DISC1: variants seen among roughly 807,000 people sequenced by gnomAD.
DISC1 encodes the protein disrupted in schizophrenia 1 protein.
A neutral mutation model predicts 84.5 loss-of-function variants in DISC1; 57 were observed. That is an observed-to-expected ratio of 0.67 (90% CI 0.55 to 0.84). DISC1 has a LOEUF of 0.84. Among genes scored for constraint, DISC1 ranks in the 40% least tolerant of loss-of-function variants. DISC1 has a pLI of 0.00. For missense variants in DISC1, 1,000 were observed against 1,057.8 expected, an observed-to-expected ratio of 0.95 and a Z score of 0.76; for synonymous variants, 411 against 415.2, an observed-to-expected ratio of 0.99 and a Z score of 0.12.
rs533463099 is a variant in DISC1, at chr1:231,863,220, C to CTTTTTT, written c.1981+44730_1981+44735dup. ...TGATTGACATAGTTTATAAAATGTT[C>CTTTTTT]TTTTTTTTTTTTTTTTTTTTTTTTT... On this transcript the variant is annotated intron_variant, in intron 9 of 12. Coordinates refer to ENST00000439617, the MANE Select transcript of DISC1 (RefSeq NM_018662.3). Among the ~76,000 whole-genome samples the CTTTTTT allele has an allele frequency of 7.9e-4, 43 of 54,774 alleles. 4 individuals carry two copies. Among genetic ancestry groups the CTTTTTT allele is most frequent in the South Asian group, 2.2e-3 (2 of 916 alleles). The allele number at this position is 54,774 out of a possible 152,430, so 35.9% of individuals were successfully genotyped here.
intron 3 of DISC1, among the ~76,000 whole-genome samples, chr1:231,733,491 G>A (rs1418006441): frequency 1.3e-5 from 2 of 150,360 alleles, no homozygotes; most frequent in Admixed American, 1.3e-4. Flanking sequence ...TAGTGGCTGT[G>A]GCAGTGCTGG....
chr1:231,677,276 C>G (rs1221508464), intron 1 of DISC1, among the ~76,000 whole-genome samples: 1 of 152,092 alleles, frequency 6.6e-6, no homozygotes, highest in Non-Finnish European at 1.5e-5. Flanking sequence ...CAAAACAAAA[C>G]AAAAACCCCA....
intron 6 of DISC1, among the ~76,000 whole-genome samples, chr1:231,774,461 T>C (rs2076803530): frequency 6.6e-6 from 1 of 152,200 alleles, no homozygotes; most frequent in Non-Finnish European, 1.5e-5. Context: ...TGGAGTTTTG[T>C]GTGGCTGGAG....
chr1:231,752,707 A>G (rs1393276145), intron 4 of DISC1, among the ~76,000 whole-genome samples: 4 of 152,202 alleles, frequency 2.6e-5, no homozygotes. Context: ...CATTAACTCA[A>G]AAGTCCAAAG....
intron 9 of DISC1, among the ~76,000 whole-genome samples, chr1:231,931,619 A>G (rs2090660409): frequency 6.6e-6 from 1 of 150,594 alleles, no homozygotes; most frequent in Non-Finnish European, 1.5e-5. Context: ...GACCTACCAT[A>G]TAGCTCAGTT....
intron 2 of DISC1, among the ~76,000 whole-genome samples, chr1:231,699,750 C>T (rs986652114): frequency 6.6e-6 from 1 of 152,214 alleles, no homozygotes; most frequent in African/African-American, 2.4e-5. Context: ...CCCAAACTCT[C>T]CAGTGGCGCC....
intron 10 of DISC1, among the ~76,000 whole-genome samples, chr1:231,997,697 T>A (rs1409271472): frequency 6.6e-6 from 1 of 152,052 alleles, no homozygotes; most frequent in Non-Finnish European, 1.5e-5. Context: ...AAGGGGTAGG[T>A]AATTACAATT....
At chr1:231,982,216 G>A (rs764048874) in intron 10 of DISC1, among the ~76,000 whole-genome samples, 10 of 152,098 alleles carry the variant, frequency 6.6e-5, no homozygotes, top group African/African-American at 1.2e-4. Flanking sequence ...GATTTTAAGC[G>A]TCGGTGATTG....
At chr1:231,863,411 A>G (rs2084825360) in intron 9 of DISC1, among the ~76,000 whole-genome samples, 1 of 151,472 alleles carries the variant, frequency 6.6e-6, no homozygotes, top group African/African-American at 2.4e-5. Context: ...TTGTACTTTT[A>G]GTAGAGAAGG....
At chr1:231,946,412 C>T (rs990777039) in intron 9 of DISC1, among the ~76,000 whole-genome samples, 5 of 152,092 alleles carry the variant, frequency 3.3e-5, no homozygotes, top group African/African-American at 1.2e-4. Flanking sequence ...AATTCAACAC[C>T]CCTTCATGCT....
At chr1:231,664,469 T>G (rs2061838740) in intron 1 of DISC1, among the ~76,000 whole-genome samples, 1 of 152,174 alleles carries the variant, frequency 6.6e-6, no homozygotes, top group African/African-American at 2.4e-5. Context: ...TGAGATTAAG[T>G]TAAGGATCTT....
chr1:231,672,443 A>G (rs1242015342), intron 1 of DISC1, among the ~76,000 whole-genome samples: 1 of 152,192 alleles, frequency 6.6e-6, no homozygotes, highest in East Asian at 1.9e-4. Flanking sequence ...AATTTGAGCT[A>G]TGTCATTCTG....
intron 9 of DISC1, among the ~76,000 whole-genome samples, chr1:231,942,573 G>C (rs1025465806): frequency 3.9e-5 from 6 of 152,210 alleles, no homozygotes; most frequent in African/African-American, 1.4e-4. Context: ...GCCCATGCAG[G>C]AGAATTGCTT....
At chr1:231,995,333 A>C (rs993278278) in intron 10 of DISC1, among the ~76,000 whole-genome samples, 2 of 151,312 alleles carry the variant, frequency 1.3e-5, no homozygotes, top group Admixed American at 6.6e-5. Context: ...TTCTTTTTTT[A>C]TTTATTTTAT....
intron 3 of DISC1, chr1:231,722,906 T>G (rs202066697): frequency 3.2e-5 from 41 of 1,295,948 alleles, no homozygotes; most frequent in South Asian, 3.6e-5. Context: ...GTTGGGACAA[T>G]TAGATTTTTG....
intron 9 of DISC1, among the ~76,000 whole-genome samples, chr1:231,955,486 C>CT (rs200610198): frequency 0.017 from 2,231 of 133,220 alleles, 27 homozygotes; most frequent in Non-Finnish European, 0.028. Flanking sequence ...TCATTCTTGA[C>CT]TTTTTTTTTT....
chr1:231,729,335 A>C (rs1238572817), intron 3 of DISC1, among the ~76,000 whole-genome samples: 1 of 152,244 alleles, frequency 6.6e-6, no homozygotes, highest in East Asian at 1.9e-4. Context: ...AGCATGTTTT[A>C]TAATCCTTTG....
intron 9 of DISC1, among the ~76,000 whole-genome samples, chr1:231,914,567 C>T (rs1443709416): frequency 6.6e-6 from 1 of 152,132 alleles, no homozygotes; most frequent in African/African-American, 2.4e-5. Context: ...CTTATTGTCC[C>T]CACCACAGGA....
intron 10 of DISC1, among the ~76,000 whole-genome samples, chr1:231,968,899 A>T (rs1460348998): frequency 6.6e-6 from 1 of 152,124 alleles, no homozygotes; most frequent in East Asian, 1.9e-4. Context: ...TAAAGACTTG[A>T]TTTTCTGTCA....
Sources: allele counts gnomAD v4.1 joint callset (sites outside exome capture counted in the v4.1 genomes callset), GRCh38; gene constraint gnomAD v4.1.1; transcripts MANE v1.5; gene names NCBI Gene and HGNC (gene_info 2026-07-23, HGNC 2026-07-21).